Variants in RAB2A observed in about 807,000 individuals in gnomAD.
RAB2A encodes the protein ras-related protein Rab-2A.
In RAB2A, 7 loss-of-function variants were observed where a neutral mutation model predicts 32.5. The ratio of observed to expected loss-of-function variants is 0.22; its 90% CI spans 0.12 to 0.40. The LOEUF (loss-of-function observed/expected upper bound fraction) is 0.40, where lower values mean the gene tolerates loss of function less well. RAB2A is among the 10% of genes least tolerant of loss of function. The pLI is 1.00. For missense variants in RAB2A, 108 were observed against 260.7 expected (o/e 0.41, Z 4.03); for synonymous variants, 79 against 85.2 (o/e 0.93, Z 0.40).
chr8:60,610,138 T>C (rs898274149), intron 6 of RAB2A, among the ~76,000 whole-genome samples: 1 of 151,886 alleles, frequency 6.6e-6, no homozygotes, highest in African/African-American at 2.4e-5. Flanking sequence ...GCCTTATGCT[T>C]ATGCTGCTGA....
chr8:60,548,812 G>T (rs1474653039), intron 1 of RAB2A, among the ~76,000 whole-genome samples: 2 of 148,640 alleles, frequency 1.3e-5, no homozygotes, highest in African/African-American at 5.0e-5. Flanking sequence ...CTGGCCGGGC[G>T]GGGGGCTGAC....
chr8:60,528,407 A>C (rs1807424643), intron 1 of RAB2A, among the ~76,000 whole-genome samples: 1 of 152,166 alleles, frequency 6.6e-6, no homozygotes, highest in South Asian at 2.1e-4. Context: ...GCATTTGAAA[A>C]ATTCACCCAA....
At chr8:60,579,328 C>T (rs1028214801) in intron 3 of RAB2A, among the ~76,000 whole-genome samples, 1 of 152,204 alleles carries the variant, frequency 6.6e-6, no homozygotes, top group African/African-American at 2.4e-5. Context: ...CAGGCGTGAG[C>T]CACCACACCC....
chr8:60,567,807 T>G (rs1808138233), intron 2 of RAB2A, among the ~76,000 whole-genome samples: 1 of 152,024 alleles, frequency 6.6e-6, no homozygotes, highest in Non-Finnish European at 1.5e-5. Context: ...TAGGTAGACT[T>G]TTTAGTCCTA....
intron 1 of RAB2A, among the ~76,000 whole-genome samples, chr8:60,549,367 C>T (rs1317997163): frequency 2.6e-5 from 4 of 152,284 alleles, no homozygotes; most frequent in East Asian, 1.9e-4. Context: ...ACTGAGTGAA[C>T]GAGACTCCGT....
chr8:60,576,517 CAT>C (rs1274357081), intron 3 of RAB2A, among the ~76,000 whole-genome samples: 2 of 152,192 alleles, frequency 1.3e-5, no homozygotes, highest in African/African-American at 4.8e-5. Context: ...TCCTATTTTA[CAT>C]GTCTTATATC....
chr8:60,527,137 C>A (rs1807404630), intron 1 of RAB2A, among the ~76,000 whole-genome samples: 1 of 151,874 alleles, frequency 6.6e-6, no homozygotes, highest in Non-Finnish European at 1.5e-5. Flanking sequence ...CTAGCCATGT[C>A]AGACCAGGAA....
intron 1 of RAB2A, among the ~76,000 whole-genome samples, chr8:60,555,678 A>G (rs1807927370): frequency 6.6e-6 from 1 of 152,222 alleles, no homozygotes; most frequent in Non-Finnish European, 1.5e-5. Context: ...CTTAGTTAGA[A>G]TGGCTATTAT....
rs1467285380 is a variant in RAB2A, at chr8:60,565,450, T to C, written c.118+6527T>C. ...AAAAAAAAAAGAAAGAAGTAAATGATTGGTGGAAATGAAAGTATACTTTTA... is the reference window on the plus strand; with the variant it reads ...AAAAAAAAAAGAAAGAAGTAAATGACTGGTGGAAATGAAAGTATACTTTTA... On this transcript the variant is annotated intron_variant, in intron 2 of 7. Transcript: ENST00000262646. Among the ~76,000 whole-genome samples, 5 of 150,500 alleles carry C rather than the reference T, an allele frequency of 3.3e-5. No individual in the cohort carries two copies. The East Asian group carries it at 9.7e-4, about 29-fold the overall frequency.
chr8:60,526,574 A>C (rs777866200), intron 1 of RAB2A, among the ~76,000 whole-genome samples: 2 of 152,196 alleles, frequency 1.3e-5, no homozygotes, highest in Non-Finnish European at 2.9e-5. Context: ...TGCTAGGGTA[A>C]AATATTCACA....
In RAB2A at chr8:60,621,817, G is replaced by T. The variant is rs1041335211; in HGVS notation, c.*1048G>T. ...CAACCTCTATAATCTTTAAAATATG[G>T]TGAGCATCTTGTCTGTTTTGAAGGG... On this transcript the variant is annotated 3_prime_UTR_variant, in exon 8 of 8. Coordinates refer to ENST00000262646, the MANE Select transcript of RAB2A (RefSeq NM_002865.3). 6.6e-6 allele frequency: 1 copy of T among 152,036 alleles called. No homozygotes were observed. Among genetic ancestry groups the T allele is most frequent in the African/African-American group, 2.4e-5 (1 of 41,388 alleles). The allele number at this position is 152,036 out of a possible 1,614,324, so 9.4% of individuals were successfully genotyped here.
intron 3 of RAB2A, among the ~76,000 whole-genome samples, chr8:60,574,977 A>G (rs1808248961): frequency 1.3e-5 from 2 of 151,964 alleles, no homozygotes; most frequent in Non-Finnish European, 2.9e-5. Flanking sequence ...CCCAGACCCA[A>G]TGGCCTGTTC....
At chr8:60,542,804 C>T (rs907638862) in intron 1 of RAB2A, among the ~76,000 whole-genome samples, 1 of 152,078 alleles carries the variant, frequency 6.6e-6, no homozygotes, top group Non-Finnish European at 1.5e-5. Context: ...GCTTTGTTAG[C>T]GTACTTTTTT....
intron 3 of RAB2A, among the ~76,000 whole-genome samples, chr8:60,576,782 T>A (rs1033637976): frequency 1.3e-5 from 2 of 152,192 alleles, no homozygotes; most frequent in Admixed American, 6.5e-5. Context: ...CACTTCTGCC[T>A]TTCCTCTCTG....
At chr8:60,611,509 C>A (rs1804347694) in intron 6 of RAB2A, among the ~76,000 whole-genome samples, 1 of 152,186 alleles carries the variant, frequency 6.6e-6, no homozygotes, top group African/African-American at 2.4e-5. Context: ...TCTATGTTCG[C>A]ATATTGGATG....
At chr8:60,610,493 CT>C (rs1804324658) in intron 6 of RAB2A, among the ~76,000 whole-genome samples, 1 of 152,182 alleles carries the variant, frequency 6.6e-6, no homozygotes, top group Admixed American at 6.5e-5. Flanking sequence ...TTGTTTCCCC[CT>C]TAAATCTATT....
intron 6 of RAB2A, among the ~76,000 whole-genome samples, chr8:60,596,660 T>C (rs1235645525): frequency 1.3e-5 from 2 of 152,094 alleles, no homozygotes; most frequent in Non-Finnish European, 2.9e-5. Flanking sequence ...CGGTGGCTCA[T>C]GCCTGTAATC....
chr8:60,584,162 G>C, intron 3 of RAB2A, 46 bp from the exon 4 acceptor site: 1 of 1,387,650 alleles, frequency 7.2e-7, no homozygotes. Flanking sequence ...AAAATGTAGA[G>C]GACATTGTAT....
chr8:60,582,404 A>G (rs1287591042), intron 3 of RAB2A, among the ~76,000 whole-genome samples: 1 of 152,206 alleles, frequency 6.6e-6, no homozygotes, highest in Non-Finnish European at 1.5e-5. Flanking sequence ...AGTTATTTTC[A>G]TTGAATCTCA....
Sources: allele counts gnomAD v4.1 joint callset (sites outside exome capture counted in the v4.1 genomes callset), GRCh38; gene constraint gnomAD v4.1.1; transcripts MANE v1.5; gene names NCBI Gene and HGNC (gene_info 2026-07-23, HGNC 2026-07-21).